ASGR1: variants seen among roughly 807,000 people sequenced by gnomAD.
ASGR1 encodes asialoglycoprotein receptor 1, also known as C-type lectin domain family 4 member H1.
A neutral mutation model predicts 33.1 loss-of-function variants in ASGR1; 35 were observed. That is an observed-to-expected ratio of 1.06 (90% CI 0.81 to 1.40). ASGR1 has a LOEUF of 1.40. Among genes scored for constraint, ASGR1 ranks in the 40% most tolerant of loss-of-function variants. ASGR1 has a pLI of 0.00. For missense variants in ASGR1, 396 were observed against 373.7 expected (o/e 1.06, Z -0.49); for synonymous variants, 142 against 152.5 (o/e 0.93, Z 0.51).
In ASGR1 at chr17:7,177,240, G is replaced by T. The variant is rs771665441; in HGVS notation, c.157C>A (p.Leu53Ile). 6.2e-7 allele frequency: 1 copy of T among 1,613,584 alleles called. No individual in the cohort carries two copies. Among genetic ancestry groups the T allele is most frequent in the Non-Finnish European group, 8.5e-7 (1 of 1,179,930 alleles). Reference protein sequence around the residue: ...LLSLGLSLLLLVVVCVIGSQN... With the variant: ...LLSLGLSLLLIVVVCVIGSQN... ...GATCCGATCACACAGACAACCACAAGCAGCAGGAGGCTGAGGCCCAGGGAG... is the reference window on the plus strand; with the variant it reads ...GATCCGATCACACAGACAACCACAATCAGCAGGAGGCTGAGGCCCAGGGAG... The change falls in exon 3 of 9, where the codon CTT (leucine) becomes ATT (isoleucine). Residue 53 changes from leucine to isoleucine, a missense_variant. Physicochemically the swap from Leu to Ile is conservative, Grantham distance 5. Transcript: ENST00000269299.
At position 7,177,075 on chromosome 17, in the gene ASGR1, GTCT is replaced by G. The variant is rs2069226909; in HGVS notation, c.188-2_188del. ...CCCGCAGCTCCTCCTGCAGCTGGGA[GTCT>G]GGCCAGGACAGCGTGCAGAGAGAAG... On this transcript the variant is annotated splice_acceptor_variant and coding_sequence_variant, in exon 4 of 9. Transcript: ENST00000269299. LOFTEE classifies it high-confidence loss of function. The G allele has an allele frequency of 6.2e-7, 1 of 1,613,670 alleles. No homozygotes were observed. The highest frequency in any genetic ancestry group is 8.5e-7 in the Non-Finnish European group (1 of 1,180,000).
chr17:7,175,640 TAC>T (rs1292698526), intron 5 of ASGR1, among the ~76,000 whole-genome samples: 2 of 150,162 alleles, frequency 1.3e-5, no homozygotes, highest in Non-Finnish European at 3.0e-5. Flanking sequence ...CGTTCTCACA[TAC>T]ACTGACACAT....
rs2069159728 is a variant in ASGR1, at chr17:7,173,633, G to A, written c.*26C>T. Reference sequence around the variant, plus strand: ...GGATTCCCAATCCCGGACCCCTGCGGCAGGTCGAGGCATTGAAGAAATAAA... The same window carrying A: ...GGATTCCCAATCCCGGACCCCTGCGACAGGTCGAGGCATTGAAGAAATAAA... On this transcript the variant is annotated 3_prime_UTR_variant, in exon 9 of 9. Transcript: ENST00000269299. The surrounding 1 kb of genome is among the most constrained non-coding windows in gnomAD (Gnocchi z 4.7). The A allele has an allele frequency of 1.2e-6, 2 of 1,611,454 alleles. No individual in the cohort carries two copies. Among genetic ancestry groups the A allele is most frequent in the African/African-American group, 1.3e-5 (1 of 74,982 alleles).
chr17:7,178,284 GC>G (rs1161731770), intron 2 of ASGR1: 2 of 587,350 alleles, frequency 3.4e-6, no homozygotes, highest in African/African-American at 3.7e-5. Context: ...GCACAGGAAA[GC>G]TTTGGGCACC....
intron 5 of ASGR1, chr17:7,176,472 GTC>G (rs1370352170): frequency 1.6e-4 from 57 of 353,180 alleles, no homozygotes; most frequent in African/African-American, 1.3e-3. Flanking sequence ...CCCACAGACT[GTC>G]TCACACACAC....
rs202036859 is a variant in ASGR1 at position 7,174,091 on chromosome 17, T to C, written c.595-24A>G. The C allele has an allele frequency of 1.1e-5, 18 of 1,614,148 alleles. No homozygotes were observed. The Admixed American group carries it at 2.8e-4, about 25-fold the overall frequency. On this transcript the variant is annotated intron_variant, in intron 7 of 8. Transcript: ENST00000269299. The stretch of plus-strand genomic sequence containing the variant: ...TTCTGAGGAGAGAGAAGGCGGGTGG[T>C]GATCTCTCCGAGGCCAGCCAGCCTC...
At chr17:7,175,153 AACAC>A (rs150561591) in intron 5 of ASGR1, among the ~76,000 whole-genome samples, 25 of 147,904 alleles carry the variant, frequency 1.7e-4, no homozygotes, top group South Asian at 8.6e-4. Flanking sequence ...ACACACACAA[AACAC>A]ACACACAATA....
In ASGR1 at chr17:7,176,826, T is replaced by C. The variant is rs1197241890; in HGVS notation, c.355+4A>G. On this transcript the variant is annotated splice_donor_region_variant and intron_variant, in intron 5 of 8. Coordinates refer to ENST00000269299, the MANE Select transcript of ASGR1 (RefSeq NM_001671.5). Reference sequence around the variant, plus strand: ...CACACACACACACACACTCCCTCTCTGACCTTCACTCAGGTCCTTCTGCTG... The same window carrying C: ...CACACACACACACACACTCCCTCTCCGACCTTCACTCAGGTCCTTCTGCTG... 1.2e-6 allele frequency: 2 copies of C among 1,608,290 alleles called. No homozygotes were observed. Among genetic ancestry groups the C allele is most frequent in the Admixed American group, 1.7e-5 (1 of 59,832 alleles).
intron 6 of ASGR1, 31 bp from the exon 7 acceptor site, chr17:7,174,320 A>G: frequency 6.2e-7 from 1 of 1,613,660 alleles, no homozygotes; most frequent in Non-Finnish European, 8.5e-7. Flanking sequence ...GCAGGGGCTA[A>G]GCGCTGCCCA....
intron 5 of ASGR1, among the ~76,000 whole-genome samples, chr17:7,176,361 CA>C (rs2069208035): frequency 6.6e-6 from 1 of 150,846 alleles, no homozygotes. Flanking sequence ...CAGACACACA[CA>C]CCCCATCTCA....
At position 7,173,757 on chromosome 17, in the gene ASGR1, CGGT is replaced by C. The variant is rs1466296027; in HGVS notation, c.775_777del (p.Thr259del). 1.4e-5 allele frequency: 23 copies of C among 1,613,472 alleles called. No homozygotes were observed. The highest frequency in any genetic ancestry group is 1.9e-5 in the Non-Finnish European group (22 of 1,180,020). On this transcript the variant is annotated inframe_deletion, in exon 9 of 9. Transcript: ENST00000269299. The surrounding 1 kb of genome is among the most constrained non-coding windows in gnomAD (Gnocchi z 4.7). ...ACGTCGTCGTTCCAGCGGCCGTCGT[CGGT>C]GAAGTGGGCACAGTCCTCGCCTCCT...
chr17:7,174,425 C>G lies in ASGR1; in HGVS notation c.391G>C (p.Val131Leu), dbSNP rs1201837953. The G allele has an allele frequency of 7.4e-6, 12 of 1,613,746 alleles. No individual in the cohort carries two copies. The highest frequency in any genetic ancestry group is 9.3e-6 in the Non-Finnish European group (11 of 1,179,870). ...CAGCTCAGGCTCCGCAGGTCAGACACGAACTGCTTCACGTGGAGCAGCAGG... is the reference window on the plus strand; with the variant it reads ...CAGCTCAGGCTCCGCAGGTCAGACAGGAACTGCTTCACGTGGAGCAGCAGG... ...SSLLLHVKQF[V>L]SDLRSLSCQM... Residue 131 changes from valine (V) to leucine (L), a missense_variant, in exon 6 of 9, where the codon GTG becomes CTG. Coordinates refer to ENST00000269299, the MANE Select transcript of ASGR1 (RefSeq NM_001671.5).
At chr17:7,175,074 G>A (rs1201793142) in intron 5 of ASGR1, among the ~76,000 whole-genome samples, 4 of 103,012 alleles carry the variant, frequency 3.9e-5, no homozygotes, top group South Asian at 3.3e-4. Flanking sequence ...ACAACACACC[G>A]TAACCCACAT....
At chr17:7,177,784 G>C (rs866109720) in intron 2 of ASGR1, 3 of 168,554 alleles carry the variant, frequency 1.8e-5, no homozygotes, top group Middle Eastern at 2.9e-3. Flanking sequence ...CTACCATTCA[G>C]GCCCTCAAGT....
Position 7,173,491 on chromosome 17 carries a change from G to T in ASGR1, c.*168C>A. Reference sequence around the variant, plus strand: ...AGTTCACAATGATAACCTGCAAACTGCAGAAAGCGCCACGGGTTTCAAGCT... The same window carrying T: ...AGTTCACAATGATAACCTGCAAACTTCAGAAAGCGCCACGGGTTTCAAGCT... On this transcript the variant is annotated 3_prime_UTR_variant, in exon 9 of 9. Transcript: ENST00000269299. This position sits in a 1 kb window ranked among gnomAD's most constrained non-coding sequence, Gnocchi z 4.7. The T allele has an allele frequency of 2.2e-6, 2 of 897,354 alleles. No homozygotes were observed. The highest frequency in any genetic ancestry group is 3.3e-6 in the Non-Finnish European group (2 of 608,572). 55.6% of individuals were successfully genotyped at this position (897,354 alleles called of 1,614,324 possible).
chr17:7,176,161 A>G (rs1341037204), intron 5 of ASGR1, among the ~76,000 whole-genome samples: 1 of 142,514 alleles, frequency 7.0e-6, no homozygotes, highest in African/African-American at 2.7e-5. Context: ...TCACACACAG[A>G]CACACACCCC....
At position 7,174,425 on chromosome 17, in the gene ASGR1, C is replaced by T. The variant is rs1201837953; in HGVS notation, c.391G>A (p.Val131Met). The change falls in exon 6 of 9, where the codon GTG becomes ATG. Residue 131 changes from valine to methionine, a missense_variant. By Grantham distance (21) the Val-to-Met change is conservative (BLOSUM62 1). Transcript: ENST00000269299. ...SSLLLHVKQF[V>M]SDLRSLSCQM... is the part of the protein sequence containing the mutation. Reference sequence around the variant, plus strand: ...CAGCTCAGGCTCCGCAGGTCAGACACGAACTGCTTCACGTGGAGCAGCAGG... The same window carrying T: ...CAGCTCAGGCTCCGCAGGTCAGACATGAACTGCTTCACGTGGAGCAGCAGG... The T allele has an allele frequency of 2.5e-6, 4 of 1,613,628 alleles. No homozygotes were observed. Among genetic ancestry groups the T allele is most frequent in the Non-Finnish European group, 3.4e-6 (4 of 1,179,878 alleles).
At chr17:7,176,325 C>T (rs1371160079) in intron 5 of ASGR1, among the ~76,000 whole-genome samples, 1 of 148,188 alleles carries the variant, frequency 6.7e-6, no homozygotes, top group African/African-American at 2.5e-5. Context: ...ACACAAACAC[C>T]CCTCATTCTC....
intron 5 of ASGR1, among the ~76,000 whole-genome samples, chr17:7,176,431 TCTCACA>T (rs1212893983): frequency 1.5e-5 from 2 of 137,324 alleles, no homozygotes; most frequent in Non-Finnish European, 3.1e-5. Context: ...ACTCCGTCAT[TCTCACA>T]CTCTCACACA....
Sources: allele counts gnomAD v4.1 joint callset (sites outside exome capture counted in the v4.1 genomes callset), GRCh38; gene constraint gnomAD v4.1.1; non-coding constraint Gnocchi (gnomAD v3.1); transcripts MANE v1.5; gene names NCBI Gene and HGNC (gene_info 2026-07-23, HGNC 2026-07-21).